Variants in DUSP16 observed in about 807,000 individuals in gnomAD.
DUSP16 encodes the protein dual specificity protein phosphatase 16.
A neutral mutation model predicts 58.3 loss-of-function variants in DUSP16; 21 were observed. That is an observed-to-expected ratio of 0.36 (90% CI 0.26 to 0.52). The LOEUF (loss-of-function observed/expected upper bound fraction) is 0.52. Ranked by LOEUF, DUSP16 falls within the 20% of genes least tolerant of loss-of-function variation. DUSP16 has a pLI of 0.94. For synonymous variants in DUSP16, 320 were observed against 323.8 expected (o/e 0.99, Z 0.12); for missense variants, 726 against 819.0 (o/e 0.89, Z 1.39).
At chr12:12,534,334 G>A (rs1218719685) in intron 1 of DUSP16, among the ~76,000 whole-genome samples, 1 of 152,210 alleles carries the variant, frequency 6.6e-6, no homozygotes, top group Non-Finnish European at 1.5e-5. Flanking sequence ...TGTATCAGGA[G>A]CAAAGTACCA....
Position 12,523,023 on chromosome 12 carries a change from C to T in DUSP16, c.-365-1560G>A, listed in dbSNP as rs188320924. Among the ~76,000 whole-genome samples, 15 of 152,272 alleles carry T rather than the reference C, an allele frequency of 9.9e-5. 1 individual carries two copies. The highest frequency in any genetic ancestry group is 7.2e-4 in the Admixed American group (11 of 15,304). ...AATATTTGATTAGCTGATTTCAGGT[C>T]AGGATGTCAGAGCCTTTAAAAACCT... On this transcript the variant is annotated intron_variant, in intron 1 of 6. Transcript: ENST00000298573.
At chr12:12,542,180 T>C (rs965172383) in intron 1 of DUSP16, among the ~76,000 whole-genome samples, 35 of 152,122 alleles carry the variant, frequency 2.3e-4, no homozygotes, top group African/African-American at 8.2e-4. Flanking sequence ...AGTTAGGTAC[T>C]AGCCTGACCA....
At chr12:12,553,638 G>A (rs905303991) in intron 1 of DUSP16, among the ~76,000 whole-genome samples, 3 of 152,236 alleles carry the variant, frequency 2.0e-5, no homozygotes, top group Non-Finnish European at 4.4e-5. Flanking sequence ...GACCTGCCAG[G>A]CTCAGGTGAT....
rs1943479400 is a variant in DUSP16 at position 12,477,713 on chromosome 12, T to A, written c.1118A>T (p.Asp373Val). 6.2e-7 allele frequency: 1 copy of A among 1,612,686 alleles called. No individual in the cohort carries two copies. Among genetic ancestry groups the A allele is most frequent in the Non-Finnish European group, 8.5e-7 (1 of 1,179,342 alleles). Reference sequence around the variant, plus strand: ...ACTGAGCGCCTGTACCAGCGGGCTGTCCTCTAACAGCGACGGCTGCACGCT... The same window carrying A: ...ACTGAGCGCCTGTACCAGCGGGCTGACCTCTAACAGCGACGGCTGCACGCT... The part of the protein sequence containing the change: ...VPSVQPSLLE[D>V]SPLVQALSGL... The change falls in exon 7 of 7, where the codon GAC becomes GTC. Residue 373 changes from aspartate to valine, a missense_variant. Asp to Val is a radical substitution (Grantham distance 152). Transcript: ENST00000298573. This position sits in a 1 kb window ranked among gnomAD's most constrained non-coding sequence, Gnocchi z 4.1.
rs201123994 is a variant in DUSP16 at position 12,487,224 on chromosome 12, A to G, written c.532-37T>C. On this transcript the variant is annotated intron_variant, in intron 4 of 6. Coordinates refer to ENST00000298573, the MANE Select transcript of DUSP16 (RefSeq NM_030640.3). The stretch of plus-strand genomic sequence containing the variant: ...AAGAGTAGCAGTTAAAGTGACTAAT[A>G]ATATAGTAAACATGATCATTCTGAA... 390 of 1,598,828 alleles carry G rather than the reference A, an allele frequency of 2.4e-4. 6 individuals are homozygous for G. In the South Asian group the frequency reaches 3.5e-3, roughly 14 times the overall value.
At chr12:12,538,561 A>C (rs1944505591) in intron 1 of DUSP16, among the ~76,000 whole-genome samples, 1 of 152,224 alleles carries the variant, frequency 6.6e-6, no homozygotes, top group African/African-American at 2.4e-5. Context: ...TGCAAATTTT[A>C]ATAGGCTCCT....
At chr12:12,551,082 T>A (rs923430940) in intron 1 of DUSP16, among the ~76,000 whole-genome samples, 2 of 152,120 alleles carry the variant, frequency 1.3e-5, no homozygotes, top group Admixed American at 6.6e-5. Flanking sequence ...TTATACAATT[T>A]TTTTTTTTCA....
Position 12,505,310 on chromosome 12 carries a change from T to TA in DUSP16, c.368-4629dup, listed in dbSNP as rs200075396. ...CTGGCCTCCCCAGCTGTGACCAGGCTAAAAAGGCCATGGTCCTCTCCCAAA... is the reference window on the plus strand; with the variant it reads ...CTGGCCTCCCCAGCTGTGACCAGGCTAAAAAAGGCCATGGTCCTCTCCCAAA... On this transcript the variant is annotated intron_variant, in intron 3 of 6. Transcript: ENST00000298573. 4.7e-3 allele frequency among the ~76,000 whole-genome samples: 713 copies of TA among 152,332 alleles called. 8 individuals are homozygous for TA. The highest frequency in any genetic ancestry group is 0.016 in the African/African-American group (646 of 41,576).
intron 1 of DUSP16, among the ~76,000 whole-genome samples, chr12:12,549,137 T>C (rs1944690956): frequency 6.6e-6 from 1 of 152,186 alleles, no homozygotes; most frequent in East Asian, 1.9e-4. Flanking sequence ...ATTTTAGCTT[T>C]AGCCTCTTTA....
chr12:12,558,155 G>A (rs542922659), intron 1 of DUSP16, among the ~76,000 whole-genome samples: 103 of 152,322 alleles, frequency 6.8e-4, no homozygotes, highest in African/African-American at 2.3e-3. Flanking sequence ...CTCAGCACAT[G>A]TAAACAGCAT....
At position 12,477,609 on chromosome 12, in the gene DUSP16, A is replaced by G. The variant is rs775580594; in HGVS notation, c.1222T>C (p.Ser408Pro). 1 of 1,614,236 alleles carries G rather than the reference A, an allele frequency of 6.2e-7. No homozygotes were observed. The highest frequency in any genetic ancestry group is 2.2e-5 in the East Asian group (1 of 44,884). ...RSFSLDIKSV[S>P]YSASMAASLH... is the part of the protein sequence containing the mutation. The stretch of plus-strand genomic sequence containing the variant: ...GATGCTGCCATGCTGGCTGAATATG[A>G]AACTGATTTGATATCCAGAGAGAAG... The change falls in exon 7 of 7, where the codon TCA becomes CCA. Residue 408 changes from serine to proline, a missense_variant. Ser to Pro is a moderately conservative substitution (Grantham distance 74). Coordinates refer to ENST00000298573, the MANE Select transcript of DUSP16 (RefSeq NM_030640.3). This position sits in a 1 kb window ranked among gnomAD's most constrained non-coding sequence, Gnocchi z 4.1.
chr12:12,518,005 C>T lies in DUSP16; in HGVS notation c.367+1857G>A, dbSNP rs146710934. On this transcript the variant is annotated intron_variant, in intron 3 of 6. Transcript: ENST00000298573. ...TACACAGGATAGATTAAGAACCTTC[C>T]CAGGTAACAAAGGAATGCTCTTTGG... Among the ~76,000 whole-genome samples the T allele has an allele frequency of 5.3e-5, 8 of 152,228 alleles. No homozygotes were observed. The East Asian group carries it at 1.5e-3, about 29-fold the overall frequency.
At chr12:12,537,308 A>G (rs1944481208) in intron 1 of DUSP16, among the ~76,000 whole-genome samples, 1 of 152,218 alleles carries the variant, frequency 6.6e-6, no homozygotes, top group South Asian at 2.1e-4. Context: ...CTATAGTGTG[A>G]GCAAATTTTT....
intron 1 of DUSP16, among the ~76,000 whole-genome samples, chr12:12,542,787 T>A (rs1471564220): frequency 4.6e-5 from 7 of 152,174 alleles, no homozygotes; most frequent in Admixed American, 4.6e-4. Context: ...AATTGGACCC[T>A]GTATGCAAGA....
intron 3 of DUSP16, among the ~76,000 whole-genome samples, chr12:12,508,820 A>C (rs1469141012): frequency 6.6e-6 from 1 of 152,230 alleles, no homozygotes; most frequent in Non-Finnish European, 1.5e-5. Context: ...TATGACATAC[A>C]CAACAGTTAT....
chr12:12,505,358 C>T lies in DUSP16; in HGVS notation c.368-4676G>A, dbSNP rs75562627. Reference sequence around the variant, plus strand: ...AAACTGATGGAAGAGCCTTGTTTCCCCAAAGCTATATCGCTCAAAGGCTTC... The same window carrying T: ...AAACTGATGGAAGAGCCTTGTTTCCTCAAAGCTATATCGCTCAAAGGCTTC... On this transcript the variant is annotated intron_variant, in intron 3 of 6. Coordinates refer to ENST00000298573, the MANE Select transcript of DUSP16 (RefSeq NM_030640.3). Among the ~76,000 whole-genome samples, 675 of 152,294 alleles carry T rather than the reference C, an allele frequency of 4.4e-3. 2 individuals carry two copies. The highest frequency in any genetic ancestry group is 7.5e-3 in the Non-Finnish European group (512 of 68,034).
At chr12:12,506,960 G>A (rs10845563) in intron 3 of DUSP16, among the ~76,000 whole-genome samples, 58,552 of 151,980 alleles carry the variant, frequency 0.39, 11,650 homozygotes, top group East Asian at 0.52. Flanking sequence ...CCATGAAAAC[G>A]TCTTCCCTTA....
chr12:12,535,250 T>C (rs1049588678), intron 1 of DUSP16, among the ~76,000 whole-genome samples: 2 of 152,180 alleles, frequency 1.3e-5, no homozygotes, highest in African/African-American at 4.8e-5. Context: ...GTTGTCTGAT[T>C]CTTTAGAAGG....
At position 12,477,856 on chromosome 12, in the gene DUSP16, A is replaced by C; in HGVS notation, c.975T>G (p.Ala325=). Residue 325 remains alanine (A), a synonymous_variant, in exon 7 of 7, where the codon GCT becomes GCG. Coordinates refer to ENST00000298573, the MANE Select transcript of DUSP16 (RefSeq NM_030640.3). This position sits in a 1 kb window ranked among gnomAD's most constrained non-coding sequence, Gnocchi z 4.1. The part of the protein sequence containing the change: ...HLEKPNEPVP[A]VSEGGQKSET... ...CGCTTTTCTGTCCACCCTCTGAGAC[A>C]GCAGGGACAGGTTCATTTGGCTTCT... is the stretch of plus-strand genomic sequence containing the variant. 1 of 1,614,170 alleles carries C rather than the reference A, an allele frequency of 6.2e-7. No individual in the cohort carries two copies. The highest frequency in any genetic ancestry group is 8.5e-7 in the Non-Finnish European group (1 of 1,180,044).
Sources: allele counts gnomAD v4.1 joint callset (sites outside exome capture counted in the v4.1 genomes callset), GRCh38; gene constraint gnomAD v4.1.1; non-coding constraint Gnocchi (gnomAD v3.1); transcripts MANE v1.5; gene names NCBI Gene and HGNC (gene_info 2026-07-23, HGNC 2026-07-21).